Variants in AGBL1 observed in about 807,000 individuals in gnomAD.
AGBL1 encodes cytosolic carboxypeptidase 4.
Under a neutral mutation model 118.9 loss-of-function variants are expected in AGBL1, and 130 were observed. That is an observed-to-expected ratio of 1.09 (90% CI 0.95 to 1.26). AGBL1 has a LOEUF of 1.26. Among genes scored for constraint, AGBL1 ranks in the 50% most tolerant of loss-of-function variants. The pLI, the probability that AGBL1 is intolerant of heterozygous loss-of-function variation, is 0.00. For synonymous variants in AGBL1, 555 were observed against 478.9 expected (o/e 1.16, Z -2.08); for missense variants, 1,584 against 1,298.1 (o/e 1.22, Z -3.38).
chr15:86,634,243 C>T (rs2085039087), intron 21 of AGBL1, among the ~76,000 whole-genome samples: 1 of 152,104 alleles, frequency 6.6e-6, no homozygotes, highest in South Asian at 2.1e-4. Flanking sequence ...AAACATATGT[C>T]CACACAAGAA....
intron 18 of AGBL1, among the ~76,000 whole-genome samples, chr15:86,411,701 T>C (rs1433498131): frequency 6.6e-6 from 1 of 152,218 alleles, no homozygotes; most frequent in Admixed American, 6.5e-5. Context: ...CGATAACTAA[T>C]GGCCAAGGAG....
chr15:86,818,943 G>T (rs574378011), intron 22 of AGBL1, among the ~76,000 whole-genome samples: 1 of 152,266 alleles, frequency 6.6e-6, no homozygotes, highest in South Asian at 2.1e-4. Flanking sequence ...AACATGTAAA[G>T]TGCTTGCCAC....
rs2076931637 is a variant in AGBL1, at chr15:86,139,407, A to G, written c.52-2597A>G. Among the ~76,000 whole-genome samples, 4 of 152,178 alleles carry G rather than the reference A, an allele frequency of 2.6e-5. No individual in the cohort carries two copies. In the South Asian group the frequency reaches 8.3e-4, roughly 32 times the overall value. On this transcript the variant is annotated intron_variant, in intron 1 of 22. Coordinates refer to ENST00000614907, the MANE Select transcript of AGBL1 (RefSeq NM_001386094.1). Reference sequence around the variant, plus strand: ...ACCCCGGGATTCTCTTGAGAAAAGGAGGAGTTCGTTCTTGTCAGTCAGGGA... The same window carrying G: ...ACCCCGGGATTCTCTTGAGAAAAGGGGGAGTTCGTTCTTGTCAGTCAGGGA...
intron 17 of AGBL1, among the ~76,000 whole-genome samples, chr15:86,367,056 TTTTAATTTCA>T (rs1038519364): frequency 1.3e-5 from 2 of 152,232 alleles, no homozygotes; most frequent in Admixed American, 6.5e-5. Flanking sequence ...AATATGTGTC[TTTTAATTTCA>T]TTTAATTTCA....
At chr15:86,107,954 A>G (rs1218385243) in intron 1 of AGBL1, among the ~76,000 whole-genome samples, 2 of 152,218 alleles carry the variant, frequency 1.3e-5, no homozygotes, top group Non-Finnish European at 2.9e-5. Context: ...AAATAGAGTA[A>G]GAACCAAGAC....
chr15:86,969,589 C>A (rs1282952181), intron 23 of AGBL1, among the ~76,000 whole-genome samples: 1 of 151,952 alleles, frequency 6.6e-6, no homozygotes, highest in East Asian at 1.9e-4. Flanking sequence ...ATTTGTGTGA[C>A]TATTTGCGTG....
intron 17 of AGBL1, among the ~76,000 whole-genome samples, chr15:86,375,456 G>T (rs193278067): frequency 2.6e-5 from 4 of 152,066 alleles, no homozygotes; most frequent in African/African-American, 9.7e-5. Flanking sequence ...CTCCCTCAAC[G>T]CATGGGGATC....
intron 9 of AGBL1, among the ~76,000 whole-genome samples, chr15:86,262,098 A>ATTTTTTTT (rs1191549795): frequency 1.0e-3 from 7 of 6,668 alleles, no homozygotes; most frequent in Admixed American, 4.3e-3. Flanking sequence ...TTTTTTTGCC[A>ATTTTTTTT]TTTAGGTCTC....
At chr15:86,173,401 A>G (rs1401317756) in intron 5 of AGBL1, 1 of 151,796 alleles carries the variant, frequency 6.6e-6, no homozygotes, top group Non-Finnish European at 1.5e-5. Flanking sequence ...TTGTCTCTTC[A>G]TTCTGCTGAT....
At chr15:86,297,306 A>G (rs923574520) in intron 17 of AGBL1, among the ~76,000 whole-genome samples, 2 of 152,160 alleles carry the variant, frequency 1.3e-5, no homozygotes, top group African/African-American at 4.8e-5. Flanking sequence ...AATGACAATC[A>G]TTGAGCTAGA....
At chr15:86,134,945 A>C (rs1046522572) in intron 1 of AGBL1, among the ~76,000 whole-genome samples, 54 of 150,894 alleles carry the variant, frequency 3.6e-4, no homozygotes, top group South Asian at 2.1e-4. Flanking sequence ...ACAGTGTTTG[A>C]CTGCTATGTT....
intron 19 of AGBL1, among the ~76,000 whole-genome samples, chr15:86,538,579 A>T (rs2083455287): frequency 6.6e-6 from 1 of 152,244 alleles, no homozygotes; most frequent in African/African-American, 2.4e-5. Context: ...CCAGGGCTTT[A>T]GTTAGCCTCA....
chr15:86,633,605 A>G (rs1412912337), intron 21 of AGBL1, among the ~76,000 whole-genome samples: 2 of 151,800 alleles, frequency 1.3e-5, no homozygotes, highest in Admixed American at 1.3e-4. Flanking sequence ...GGTGTTTTCT[A>G]AGTGGAATGA....
At chr15:86,394,727 T>C (rs191614787) in intron 17 of AGBL1, among the ~76,000 whole-genome samples, 129 of 152,228 alleles carry the variant, frequency 8.5e-4, no homozygotes, top group African/African-American at 2.4e-3. Context: ...AGGTATCACA[T>C]CTATGTGCAA....
intron 5 of AGBL1, among the ~76,000 whole-genome samples, chr15:86,198,289 A>T (rs765441895): frequency 1.3e-5 from 2 of 152,172 alleles, no homozygotes; most frequent in African/African-American, 4.8e-5. Flanking sequence ...GCTCACAGCT[A>T]TGGAGAAATT....
At chr15:86,894,273 A>T (rs574038466) in intron 22 of AGBL1, among the ~76,000 whole-genome samples, 3 of 152,244 alleles carry the variant, frequency 2.0e-5, no homozygotes, top group African/African-American at 7.2e-5. Context: ...TTCAGTTGCA[A>T]ATGGTGAGTA....
chr15:86,919,175 C>G (rs1347377877), downstream of AGBL1, among the ~76,000 whole-genome samples: 2 of 152,152 alleles, frequency 1.3e-5, no homozygotes, highest in Non-Finnish European at 2.9e-5. Flanking sequence ...GTTACTGTTC[C>G]TCAACTTCAC....
At chr15:86,442,172 T>C (rs1035923755) in intron 18 of AGBL1, among the ~76,000 whole-genome samples, 6 of 152,192 alleles carry the variant, frequency 3.9e-5, no homozygotes, top group Non-Finnish European at 8.8e-5. Flanking sequence ...GGTATTCAGC[T>C]AGGTTTAAAG....
chr15:86,557,144 T>C (rs185277559), intron 21 of AGBL1, among the ~76,000 whole-genome samples: 243 of 152,340 alleles, frequency 1.6e-3, no homozygotes, highest in Middle Eastern at 0.01. Context: ...CTTAGATCTA[T>C]AACTTGTATT....
Sources: gnomAD v4.1 joint callset for allele counts (sites outside exome capture counted in the v4.1 genomes callset) on GRCh38, gnomAD v4.1.1 for gene constraint, MANE v1.5 for transcripts, NCBI Gene and HGNC (gene_info 2026-07-23, HGNC 2026-07-21) for gene names.